CFAP46: variants seen among roughly 807,000 people sequenced by gnomAD.
CFAP46 encodes cilia and flagella associated protein 46, also known as cilia- and flagella-associated protein 46.
In CFAP46, 245 loss-of-function variants were observed where a neutral mutation model predicts 325.7. The observed-to-expected ratio is 0.75, with a 90% CI of 0.68 to 0.84. CFAP46 has a LOEUF of 0.84. Among genes scored for constraint, CFAP46 ranks in the 40% least tolerant of loss-of-function variants. The pLI is 0.00. For synonymous variants in CFAP46, 1,523 were observed against 1,495.9 expected (o/e 1.02, Z -0.42); for missense variants, 3,346 against 3,543.0 (o/e 0.94, Z 1.41).
chr10:132,810,550 G>A (rs1230018443), intron 56 of CFAP46, 61 bp from the exon 57 acceptor site: 10 of 1,478,382 alleles, frequency 6.8e-6, no homozygotes, highest in Non-Finnish European at 9.4e-6. Flanking sequence ...CTGAAGGGTT[G>A]CGGGACAGGC....
chr10:132,935,464 C>A (rs577262163), intron 7 of CFAP46, among the ~76,000 whole-genome samples: 1 of 144,570 alleles, frequency 6.9e-6, no homozygotes, highest in South Asian at 2.2e-4. Context: ...GATCTCCTCA[C>A]TCCCCTCAGC....
chr10:132,892,278 G>A, intron 25 of CFAP46, 55 bp downstream of exon 25: 1 of 1,511,678 alleles, frequency 6.6e-7, no homozygotes, highest in Non-Finnish European at 9.0e-7. Context: ...ATTGGCTCAA[G>A]TCCTTCCCTT....
Position 132,817,175 on chromosome 10 carries a change from G to C in CFAP46, c.7118-2261C>G, listed in dbSNP as rs1245566570. On this transcript the variant is annotated intron_variant, in intron 50 of 57. Transcript: ENST00000368586. The surrounding 1 kb of genome is among the most constrained non-coding windows in gnomAD (Gnocchi z 4.4). ...TTTTTATTGCTTTTTGTATTTAGAGGCTATTTCATACCTCTGAGGAGGCGA... is the reference window on the plus strand; with the variant it reads ...TTTTTATTGCTTTTTGTATTTAGAGCCTATTTCATACCTCTGAGGAGGCGA... Among the ~76,000 whole-genome samples, 1 of 152,160 alleles carries C rather than the reference G, an allele frequency of 6.6e-6. No homozygotes were observed. The highest frequency in any genetic ancestry group is 2.4e-5 in the African/African-American group (1 of 41,426).
At chr10:132,824,553 ATGTGTGCTGTGTGTGTGC>A (rs1847992097) in intron 50 of CFAP46, among the ~76,000 whole-genome samples, 4 of 65,054 alleles carry the variant, frequency 6.1e-5, no homozygotes, top group African/African-American at 2.7e-4. Flanking sequence ...GTGTGCGCTG[ATGTGTGCTGTGTGTGTGC>A]TGTGTGCTGT....
Position 132,886,893 on chromosome 10 carries a change from G to C in CFAP46, c.3305-934C>G, listed in dbSNP as rs376349392. ...GCTGACGCGTCCCCTCCCCGTCATG[G>C]GCGCTGCCCAGCCCAGCCTGCACAC... On this transcript the variant is annotated intron_variant, in intron 25 of 57. Coordinates refer to ENST00000368586, the MANE Select transcript of CFAP46 (RefSeq NM_001200049.3). The surrounding 1 kb of genome is among the most constrained non-coding windows in gnomAD (Gnocchi z 5.8). 2.6e-5 allele frequency among the ~76,000 whole-genome samples: 4 copies of C among 151,958 alleles called. No homozygotes were observed. The East Asian group carries it at 5.8e-4, about 22-fold the overall frequency.
intron 33 of CFAP46, among the ~76,000 whole-genome samples, chr10:132,868,533 A>G (rs1848850733): frequency 6.6e-6 from 1 of 152,248 alleles, no homozygotes; most frequent in Non-Finnish European, 1.5e-5. Flanking sequence ...TGGTTACCAC[A>G]GGCCGCTAAG....
intron 50 of CFAP46, among the ~76,000 whole-genome samples, chr10:132,826,457 G>A (rs5027154): frequency 0.024 from 1,626 of 67,966 alleles, 13 homozygotes; most frequent in Admixed American, 0.051. Flanking sequence ...GGCAGGAGCC[G>A]GAGCCACAGA....
chr10:132,915,805 A>G (rs1849629361), intron 17 of CFAP46, among the ~76,000 whole-genome samples: 1 of 152,226 alleles, frequency 6.6e-6, no homozygotes, highest in African/African-American at 2.4e-5. Context: ...CATTCCCAAC[A>G]TGGAGAAACA....
chr10:132,838,721 G>C (rs1490890234), intron 44 of CFAP46, among the ~76,000 whole-genome samples: 2 of 152,272 alleles, frequency 1.3e-5, no homozygotes, highest in African/African-American at 4.8e-5. Flanking sequence ...CCCCAGCGAA[G>C]GATTTCTACC....
At chr10:132,835,866 T>G (rs1014025128) in intron 46 of CFAP46, among the ~76,000 whole-genome samples, 2 of 19,128 alleles carry the variant, frequency 1.0e-4, no homozygotes, top group Non-Finnish European at 2.1e-4. Flanking sequence ...CCGAAACCAC[T>G]CCCCTCCCGC....
chr10:132,934,852 G>C lies in CFAP46; in HGVS notation c.766C>G (p.Gln256Glu). 6 of 1,599,718 alleles carry C rather than the reference G, an allele frequency of 3.8e-6. No individual in the cohort carries two copies. The highest frequency in any genetic ancestry group is 5.1e-6 in the Non-Finnish European group (6 of 1,167,520). ...CTGATGTCACCTGGTAAATCATTTT[G>C]CTCCGCTTTTCTAGAAATAATTCAG... The part of the protein sequence containing the change: ...YINMLKAKAE[Q>E]NDLPGDISVI... The change falls in exon 8 of 58, where the codon CAA (glutamine) becomes GAA (glutamate). Residue 256 changes from glutamine to glutamate, a missense_variant. By Grantham distance (29) the Gln-to-Glu change is conservative. Coordinates refer to ENST00000368586, the MANE Select transcript of CFAP46 (RefSeq NM_001200049.3).
intron 9 of CFAP46, chr10:132,929,121 C>T (rs1003267050): frequency 6.5e-5 from 14 of 215,688 alleles, no homozygotes; most frequent in Non-Finnish European, 1.1e-4. Flanking sequence ...TGGAGTAGTC[C>T]GAAACCCGAT....
intron 8 of CFAP46, among the ~76,000 whole-genome samples, chr10:132,930,009 C>T (rs1367444405): frequency 6.6e-6 from 1 of 152,134 alleles, no homozygotes; most frequent in Non-Finnish European, 1.5e-5. Flanking sequence ...CCAGCAGTCT[C>T]CCGGGGCCAG....
At chr10:132,855,653 A>G (rs886475436) in intron 39 of CFAP46, among the ~76,000 whole-genome samples, 4 of 152,002 alleles carry the variant, frequency 2.6e-5, no homozygotes, top group Non-Finnish European at 4.4e-5. Context: ...ATTTCCATTT[A>G]TCTCCTTTCT....
At chr10:132,854,910 C>A (rs1848618357) in intron 39 of CFAP46, among the ~76,000 whole-genome samples, 1 of 129,546 alleles carries the variant, frequency 7.7e-6, no homozygotes, top group Non-Finnish European at 1.8e-5. Context: ...TAACTTAAAT[C>A]TTTTAAAATT....
intron 41 of CFAP46, among the ~76,000 whole-genome samples, chr10:132,848,625 TA>T (rs1261242226): frequency 6.6e-6 from 1 of 152,144 alleles, no homozygotes; most frequent in Non-Finnish European, 1.5e-5. Context: ...TTGTGCTCCC[TA>T]AAGACACACC....
chr10:132,931,093 C>T (rs1849892787), intron 8 of CFAP46, among the ~76,000 whole-genome samples: 1 of 84,312 alleles, frequency 1.2e-5, no homozygotes, highest in Non-Finnish European at 2.4e-5. Context: ...GCCTGGGCCT[C>T]CCCACACTCC....
intron 11 of CFAP46, 108 bp from the exon 12 acceptor site, chr10:132,922,816 G>C (rs1849748318): frequency 2.3e-6 from 2 of 863,824 alleles, no homozygotes; most frequent in Non-Finnish European, 3.6e-6. Flanking sequence ...TGTAGGGCAG[G>C]CTTGGTGCCC....
Position 132,942,096 on chromosome 10 carries a change from A to G in CFAP46, c.58T>C (p.Ser20Pro). ...ARAESQQDAA[S>P]LKKAYELIKS... ...ATCAACTCGTAGGCCTTCTTCAAGG[A>G]CGCAGCATCTGTCCCAAACGGGTGG... The change falls in exon 2 of 58, where the codon TCC becomes CCC. Residue 20 changes from serine (S) to proline (P), a missense_variant. By Grantham distance (74) the Ser-to-Pro change is moderately conservative. Coordinates refer to ENST00000368586, the MANE Select transcript of CFAP46 (RefSeq NM_001200049.3). 6.4e-7 allele frequency: 1 copy of G among 1,551,602 alleles called. No individual in the cohort carries two copies. The highest frequency in any genetic ancestry group is 1.4e-5 in the African/African-American group (1 of 73,150).
Sources: allele counts gnomAD v4.1 joint callset (sites outside exome capture counted in the v4.1 genomes callset), GRCh38; gene constraint gnomAD v4.1.1; non-coding constraint Gnocchi (gnomAD v3.1); transcripts MANE v1.5; gene names NCBI Gene and HGNC (gene_info 2026-07-23, HGNC 2026-07-21).